Variants in ZNF804A observed in about 807,000 individuals in gnomAD.
ZNF804A encodes zinc finger protein 804A.
In ZNF804A, 2 loss-of-function variants were observed where a neutral mutation model predicts 16.5. The observed-to-expected ratio is 0.12, with a 90% CI of 0.05 to 0.38. ZNF804A has a LOEUF of 0.38. Ranked by LOEUF, ZNF804A falls within the 10% of genes least tolerant of loss-of-function variation. The pLI is 0.99. For missense variants in ZNF804A, 1,473 were observed against 1,390.7 expected (o/e 1.06, Z -0.94); for synonymous variants, 534 against 489.6 (o/e 1.09, Z -1.20).
chr2:184,684,390 A>G (rs1367661971), intron 1 of ZNF804A, among the ~76,000 whole-genome samples: 1 of 152,204 alleles, frequency 6.6e-6, no homozygotes, highest in Non-Finnish European at 1.5e-5. Context: ...GCTATAAGAA[A>G]TTTGAAATTA....
Position 184,753,178 on chromosome 2 carries a change from C to T in ZNF804A, c.112-113191C>T, listed in dbSNP as rs189529549. Among the ~76,000 whole-genome samples the T allele has an allele frequency of 5.9e-5, 9 of 151,672 alleles. No homozygotes were observed. In the East Asian group the frequency reaches 9.7e-4, roughly 16 times the overall value. The stretch of plus-strand genomic sequence containing the variant: ...GTTTTATATTTGCCTTATAGTTTCA[C>T]ACTTGTTTAATATCAAATATTCTTA... On this transcript the variant is annotated intron_variant, in intron 1 of 3. Coordinates refer to ENST00000302277, the MANE Select transcript of ZNF804A (RefSeq NM_194250.2).
intron 1 of ZNF804A, among the ~76,000 whole-genome samples, chr2:184,843,156 CA>C (rs1185814065): frequency 6.6e-6 from 1 of 152,166 alleles, no homozygotes; most frequent in Non-Finnish European, 1.5e-5. Flanking sequence ...TCTTTGAGCA[CA>C]AGAGATCACT....
At chr2:184,829,070 A>C (rs918026500) in intron 1 of ZNF804A, among the ~76,000 whole-genome samples, 1 of 151,776 alleles carries the variant, frequency 6.6e-6, no homozygotes, top group Non-Finnish European at 1.5e-5. Context: ...ATCTCTATAA[A>C]TATAAATGCA....
intron 1 of ZNF804A, among the ~76,000 whole-genome samples, chr2:184,815,931 T>C (rs886743949): frequency 6.6e-6 from 1 of 151,988 alleles, no homozygotes. Flanking sequence ...TCTTGTCAAT[T>C]TGTCTTGTTT....
chr2:184,726,273 A>C (rs1693408091), intron 1 of ZNF804A, among the ~76,000 whole-genome samples: 1 of 151,682 alleles, frequency 6.6e-6, no homozygotes, highest in African/African-American at 2.4e-5. Context: ...TATCCACATA[A>C]GTTTCAGCAT....
chr2:184,821,258 T>C (rs946959360), intron 1 of ZNF804A, among the ~76,000 whole-genome samples: 12 of 151,800 alleles, frequency 7.9e-5, no homozygotes, highest in Non-Finnish European at 1.6e-4. Flanking sequence ...GAAATAAAAC[T>C]GCACACCTAC....
chr2:184,833,821 A>G (rs1214699022), intron 1 of ZNF804A, among the ~76,000 whole-genome samples: 1 of 152,086 alleles, frequency 6.6e-6, no homozygotes, highest in Non-Finnish European at 1.5e-5. Flanking sequence ...ACCATGGCAC[A>G]TGTGTACCTA....
chr2:184,736,654 T>C (rs1412590262), intron 1 of ZNF804A, among the ~76,000 whole-genome samples: 3 of 152,086 alleles, frequency 2.0e-5, no homozygotes, highest in Admixed American at 2.0e-4. Flanking sequence ...GGCACACGTA[T>C]ACCTATGTAA....
At chr2:184,826,324 T>C (rs1295529837) in intron 1 of ZNF804A, among the ~76,000 whole-genome samples, 1 of 152,180 alleles carries the variant, frequency 6.6e-6, no homozygotes, top group Non-Finnish European at 1.5e-5. Flanking sequence ...GAAATACGTA[T>C]ATTTAATGTG....
chr2:184,936,523 C>A lies in ZNF804A; in HGVS notation c.1127C>A (p.Thr376Lys). ...GATTGCATATCTGTGCAAGCTACCACAGAGGAAAATGTTAAGCATAACGAG... is the reference window on the plus strand; with the variant it reads ...GATTGCATATCTGTGCAAGCTACCAAAGAGGAAAATGTTAAGCATAACGAG... ...SNDCISVQAT[T>K]EENVKHNEAS... The change falls in exon 4 of 4, where the codon ACA becomes AAA. Residue 376 changes from threonine (T) to lysine (K), a missense_variant. By Grantham distance (78) the Thr-to-Lys change is moderately conservative (BLOSUM62 -1). Transcript: ENST00000302277. The A allele has an allele frequency of 6.2e-7, 1 of 1,613,952 alleles. No homozygotes were observed. Among genetic ancestry groups the A allele is most frequent in the South Asian group, 1.1e-5 (1 of 91,082 alleles).
At chr2:184,717,288 T>C (rs1434720133) in intron 1 of ZNF804A, among the ~76,000 whole-genome samples, 1 of 152,164 alleles carries the variant, frequency 6.6e-6, no homozygotes, top group African/African-American at 2.4e-5. Flanking sequence ...AGAATTATTT[T>C]CCCAAATTTC....
At chr2:184,831,636 G>T (rs948912963) in intron 1 of ZNF804A, among the ~76,000 whole-genome samples, 8 of 151,616 alleles carry the variant, frequency 5.3e-5, no homozygotes, top group African/African-American at 1.9e-4. Context: ...TGTATATTTA[G>T]ATTTAGATTT....
At chr2:184,718,367 A>C (rs940366034) in intron 1 of ZNF804A, among the ~76,000 whole-genome samples, 3 of 152,010 alleles carry the variant, frequency 2.0e-5, no homozygotes, top group African/African-American at 7.2e-5. Flanking sequence ...ACCACTTCCA[A>C]ATCTCATGTC....
intron 1 of ZNF804A, among the ~76,000 whole-genome samples, chr2:184,750,029 C>G (rs1407370159): frequency 1.3e-5 from 2 of 151,286 alleles, no homozygotes. Flanking sequence ...AAGATGGTCT[C>G]TCAGAAAGTT....
intron 1 of ZNF804A, among the ~76,000 whole-genome samples, chr2:184,840,535 T>C (rs528243671): frequency 3.9e-5 from 6 of 152,192 alleles, no homozygotes; most frequent in Non-Finnish European, 8.8e-5. Flanking sequence ...ATTAGAAATG[T>C]CATTTTTAAT....
intron 1 of ZNF804A, among the ~76,000 whole-genome samples, chr2:184,823,090 A>T (rs1695107095): frequency 6.6e-6 from 1 of 152,118 alleles, no homozygotes; most frequent in Non-Finnish European, 1.5e-5. Flanking sequence ...ATTGGAGGCT[A>T]GGAAGTCCAA....
At chr2:184,892,823 G>A (rs1458511253) in intron 2 of ZNF804A, among the ~76,000 whole-genome samples, 2 of 152,108 alleles carry the variant, frequency 1.3e-5, no homozygotes, top group East Asian at 3.9e-4. Flanking sequence ...CAAACCTGAC[G>A]TCCTTACCTC....
chr2:184,936,228 T>G lies in ZNF804A; in HGVS notation c.832T>G (p.Phe278Val). 1.9e-6 allele frequency: 3 copies of G among 1,613,988 alleles called. No individual in the cohort carries two copies. The highest frequency in any genetic ancestry group is 2.5e-6 in the Non-Finnish European group (3 of 1,179,948). The change falls in exon 4 of 4, where the codon TTT becomes GTT. Residue 278 changes from phenylalanine to valine, a missense_variant. Transcript: ENST00000302277. ...GAGTTCTGAGGAGAAAACTAACTCTTTTCATCCACCAGAGGCAATGTGCAG... is the reference window on the plus strand; with the variant it reads ...GAGTTCTGAGGAGAAAACTAACTCTGTTCATCCACCAGAGGCAATGTGCAG... ...LLSSEEKTNSFHPPEAMCRDK... is the reference protein window; with the variant it reads ...LLSSEEKTNSVHPPEAMCRDK...
At position 184,936,563 on chromosome 2, in the gene ZNF804A, G is replaced by A; in HGVS notation, c.1167G>A (p.Glu389=). ...NVKHNEASTT[E]VENKNGPETL... is the part of the protein sequence containing the mutation. ...AGCATAACGAGGCATCCACAACTGA[G>A]GTTGAAAATAAAAATGGTCCCGAGA... Residue 389 remains glutamate, a synonymous_variant, in exon 4 of 4, where the codon GAG becomes GAA. Transcript: ENST00000302277. The A allele has an allele frequency of 6.2e-7, 1 of 1,613,964 alleles. No individual in the cohort carries two copies. Among genetic ancestry groups the A allele is most frequent in the Non-Finnish European group, 8.5e-7 (1 of 1,179,948 alleles).
Sources: allele counts gnomAD v4.1 joint callset (sites outside exome capture counted in the v4.1 genomes callset), GRCh38; gene constraint gnomAD v4.1.1; transcripts MANE v1.5; gene names NCBI Gene and HGNC (gene_info 2026-07-23, HGNC 2026-07-21).